The following WDR62 variants were observed in gnomAD, a reference collection of about 807,000 sequenced individuals.
WDR62 encodes WD repeat-containing protein 62.
Under a neutral mutation model 160.6 loss-of-function variants are expected in WDR62, and 112 were observed. That is an observed-to-expected ratio of 0.70 (90% CI 0.60 to 0.82). WDR62 has a LOEUF of 0.82. Ranked by LOEUF, WDR62 falls within the 40% of genes least tolerant of loss-of-function variation. WDR62 has a pLI of 0.00. For missense variants in WDR62, 1,819 were observed against 1,983.8 expected (o/e 0.92, Z 1.58); for synonymous variants, 792 against 815.1 (o/e 0.97, Z 0.48).
chr19:36,083,217 C>T lies in WDR62; in HGVS notation c.1526C>T (p.Ser509Leu), dbSNP rs1026664479. 6.2e-7 allele frequency: 1 copy of T among 1,605,292 alleles called. No homozygotes were observed. Among genetic ancestry groups the T allele is most frequent in the Non-Finnish European group, 8.5e-7 (1 of 1,175,446 alleles). The change falls in exon 11 of 32, where the codon TCA becomes TTA. Residue 509 changes from serine (S) to leucine (L), a missense_variant. This residue lies in a region of WDR62 where 934 missense variants were observed against 1,157.2 expected (regional missense o/e 0.81). Coordinates refer to ENST00000401500, the MANE Select transcript of WDR62 (RefSeq NM_001083961.2). ...AGTCCTGACGGCCAGCATTTGGCTT[C>T]AGGCGACCGAAGTGGAAATCTGAGG... ...QVSPDGQHLA[S>L]GDRSGNLRIH...
intron 9 of WDR62, among the ~76,000 whole-genome samples, chr19:36,077,212 CTT>C (rs1568340649): frequency 6.6e-6 from 1 of 151,370 alleles, no homozygotes; most frequent in East Asian, 1.9e-4. Flanking sequence ...CTGCTTCTGT[CTT>C]TATGGATTTG....
intron 23 of WDR62, 66 bp from the exon 24 acceptor site, chr19:36,101,148 G>T (rs1226790742): frequency 2.7e-6 from 4 of 1,468,118 alleles, no homozygotes; most frequent in Non-Finnish European, 3.8e-6. Context: ...GGGGCTCCGG[G>T]TGGGGCTAGC....
Position 36,104,538 on chromosome 19 carries a change from G to C in WDR62, c.4174G>C (p.Gly1392Arg). The change falls in exon 31 of 32, where the codon GGC (glycine) becomes CGC (arginine). Residue 1392 changes from glycine (G) to arginine (R), a missense_variant. Physicochemically the swap from Gly to Arg is moderately radical, Grantham distance 125 (BLOSUM62 -2). Coordinates refer to ENST00000401500, the MANE Select transcript of WDR62 (RefSeq NM_001083961.2). ...PTSGALGLLQ[G>R]SPARWSEPWV... ...CCCAGGTGCACTTGGTCTGTTACAG[G>C]GCAGCCCTGCCCGCTGGAGTGAGCC... is the stretch of plus-strand genomic sequence containing the variant. 1.2e-6 allele frequency: 2 copies of C among 1,613,854 alleles called. No homozygotes were observed. Among genetic ancestry groups the C allele is most frequent in the South Asian group, 2.2e-5 (2 of 91,078 alleles).
At position 36,104,989 on chromosome 19, in the gene WDR62, G is replaced by A. The variant is rs767986315; in HGVS notation, c.4533G>A (p.Leu1511=). ...LQALLEHYSE[L]LVQAVRRKAR... ...CCCTGCTGGAACACTACTCGGAGCT[G>A]CTGGTGCAGGCCGTGCGGAGGAAGG... Residue 1511 remains leucine (L), a synonymous_variant, in exon 32 of 32, where the codon CTG becomes CTA. Coordinates refer to ENST00000401500, the MANE Select transcript of WDR62 (RefSeq NM_001083961.2). 13 of 1,602,964 alleles carry A rather than the reference G, an allele frequency of 8.1e-6. No individual in the cohort carries two copies. Among genetic ancestry groups the A allele is most frequent in the Non-Finnish European group, 9.3e-6 (11 of 1,177,558 alleles).
At chr19:36,069,565 C>T (rs536294571) in intron 7 of WDR62, among the ~76,000 whole-genome samples, 2 of 152,152 alleles carry the variant, frequency 1.3e-5, no homozygotes, top group South Asian at 2.1e-4. Context: ...CAGGCAGAGA[C>T]GCTCCTCACT....
At chr19:36,069,287 G>A (rs868586733) in intron 7 of WDR62, among the ~76,000 whole-genome samples, 7 of 151,420 alleles carry the variant, frequency 4.6e-5, no homozygotes, top group South Asian at 4.2e-4. Flanking sequence ...GGCGGCTGCC[G>A]GGCGGAGGGG....
chr19:36,102,031 G>A lies in WDR62; in HGVS notation c.3100G>A (p.Glu1034Lys). 1.9e-6 allele frequency: 3 copies of A among 1,614,150 alleles called. No homozygotes were observed. Among genetic ancestry groups the A allele is most frequent in the Non-Finnish European group, 2.5e-6 (3 of 1,180,032 alleles). ...PHFPGCAGPT[E>K]DELSLPEGPS... The stretch of plus-strand genomic sequence containing the variant: ...CCTGTCAGGATGCGCAGGTCCCACA[G>A]AAGATGAGCTGTCCCTGCCCGAGGG... The change falls in exon 26 of 32, where the codon GAA becomes AAA. Residue 1034 changes from glutamate to lysine, a missense_variant. Physicochemically the swap from Glu to Lys is moderately conservative, Grantham distance 56. This residue lies in a region of WDR62 where 770 missense variants were observed against 734.2 expected (regional missense o/e 1.05). Coordinates refer to ENST00000401500, the MANE Select transcript of WDR62 (RefSeq NM_001083961.2).
At position 36,054,948 on chromosome 19, in the gene WDR62, C is replaced by T. The variant is rs1363449296; in HGVS notation, c.-24C>T. 1.3e-6 allele frequency: 2 copies of T among 1,566,522 alleles called. No homozygotes were observed. Among genetic ancestry groups the T allele is most frequent in the Non-Finnish European group, 8.6e-7 (1 of 1,157,166 alleles). ...CGGCAGCGGCGGTTAGGGGATGTAA[C>T]GGTCGCCCGCCTCCGGCGTGACGAT... is the stretch of plus-strand genomic sequence containing the variant. On this transcript the variant is annotated 5_prime_UTR_variant, in exon 1 of 32. In the 5' UTR this introduces an upstream ATG that the reference lacks. Transcript: ENST00000401500.
At chr19:36,104,052 A>G in intron 30 of WDR62, 71 bp downstream of exon 30, 1 of 1,577,570 alleles carries the variant, frequency 6.3e-7, no homozygotes, top group East Asian at 2.2e-5. Flanking sequence ...AGCTCCAAAG[A>G]TGGATACTTG....
chr19:36,068,354 T>A (rs1971056410), intron 7 of WDR62, among the ~76,000 whole-genome samples: 1 of 152,202 alleles, frequency 6.6e-6, no homozygotes. Context: ...ATTGCATTTT[T>A]TTTTAATTAA....
chr19:36,100,205 C>T (rs1407615282), intron 22 of WDR62, among the ~76,000 whole-genome samples: 1 of 152,202 alleles, frequency 6.6e-6, no homozygotes, highest in Non-Finnish European at 1.5e-5. Flanking sequence ...GGCCTGGGCT[C>T]TTAGAGGTGC....
Position 36,066,000 on chromosome 19 carries a change from C to A in WDR62, c.375C>A (p.Tyr125Ter). Residue 125 changes from tyrosine (Y) to a stop codon, truncating the protein, a stop_gained, in exon 4 of 32, where the codon TAC (tyrosine) becomes TAA (stop). Transcript: ENST00000401500. LOFTEE classifies it high-confidence loss of function. The stretch of plus-strand genomic sequence containing the variant: ...TGGCCTTCTCCCCTGATGGGAAGTA[C>A]ATAGTGACAGGGGAGGTGAGTCGTG... Reference protein sequence around the residue: ...SALAFSPDGKYIVTGENGHRP... With the variant: ...SALAFSPDGK 6.2e-7 allele frequency: 1 copy of A among 1,614,122 alleles called. No homozygotes were observed. Among genetic ancestry groups the A allele is most frequent in the Non-Finnish European group, 8.5e-7 (1 of 1,180,020 alleles).
downstream of WDR62, among the ~76,000 whole-genome samples, chr19:36,109,935 A>G (rs1973778741): frequency 6.6e-6 from 1 of 150,940 alleles, no homozygotes; most frequent in African/African-American, 2.4e-5. Flanking sequence ...TGCCCCTGTA[A>G]TCCCAGCTAC....
rs944120502 is a variant in WDR62 at position 36,086,800 on chromosome 19, A to G, written c.1756A>G (p.Ile586Val). Residue 586 changes from isoleucine (I) to valine (V), a missense_variant, in exon 13 of 32, where the codon ATC (isoleucine) becomes GTC (valine). By Grantham distance (29) the Ile-to-Val change is conservative (BLOSUM62 3). This residue lies in a region of WDR62 where 934 missense variants were observed against 1,157.2 expected (regional missense o/e 0.81). Transcript: ENST00000401500. ...TGACCACTCCTCCTCCATCACCGCC[A>G]TCAAGTTCGCTGGTGAGCCCCTTTC... The part of the protein sequence containing the change: ...LDDHSSSITA[I>V]KFAGNRDIQM... The G allele has an allele frequency of 2.5e-6, 4 of 1,609,926 alleles. No individual in the cohort carries two copies. The highest frequency in any genetic ancestry group is 3.4e-6 in the Non-Finnish European group (4 of 1,177,816).
At position 36,066,008 on chromosome 19, in the gene WDR62, CAG is replaced by C. The variant is rs1179372027; in HGVS notation, c.384_385del (p.Asn131TrpfsTer3). On this transcript the variant is annotated frameshift_variant, in exon 4 of 32. Coordinates refer to ENST00000401500, the MANE Select transcript of WDR62 (RefSeq NM_001083961.2). LOFTEE classifies it high-confidence loss of function. ...TCCCCTGATGGGAAGTACATAGTGA[CAG>C]GGGAGGTGAGTCGTGATCGTGACTG... The C allele has an allele frequency of 1.9e-6, 3 of 1,614,144 alleles. No individual in the cohort carries two copies. Among genetic ancestry groups the C allele is most frequent in the Non-Finnish European group, 2.5e-6 (3 of 1,180,040 alleles).
intron 26 of WDR62, 148 bp from the exon 27 acceptor site, chr19:36,102,589 C>T (rs1016843665): frequency 1.0e-5 from 7 of 683,046 alleles, no homozygotes; most frequent in African/African-American, 1.8e-5. Context: ...CTGAGCCTCA[C>T]GATGCCTCCT....
intron 3 of WDR62, chr19:36,060,293 G>A: frequency 1.9e-6 from 1 of 526,558 alleles, no homozygotes; most frequent in East Asian, 3.2e-5. Context: ...TCAGTGCTAT[G>A]GAGGAAATGA....
chr19:36,078,353 GGCC>G (rs1971700361), intron 9 of WDR62, among the ~76,000 whole-genome samples: 1 of 151,068 alleles, frequency 6.6e-6, no homozygotes, highest in Non-Finnish European at 1.5e-5. Flanking sequence ...TCGCCGTGTT[GGCC>G]AGGTTGGTCT....
chr19:36,102,890 C>T, intron 27 of WDR62, 39 bp downstream of exon 27: 1 of 1,614,156 alleles, frequency 6.2e-7, no homozygotes, highest in South Asian at 1.1e-5. Flanking sequence ...TCTGGCTCCT[C>T]AACAGTGCCC....
Sources: allele counts gnomAD v4.1 joint callset (sites outside exome capture counted in the v4.1 genomes callset), GRCh38; gene constraint gnomAD v4.1.1; regional missense constraint gnomAD v4.1.1; transcripts MANE v1.5; gene names NCBI Gene and HGNC (gene_info 2026-07-23, HGNC 2026-07-21).